MTHFD1L: variants seen among roughly 807,000 people sequenced by gnomAD.
The protein encoded by MTHFD1L is methylenetetrahydrofolate dehydrogenase (NADP+ dependent) 1 like.
Under a neutral mutation model 119.5 loss-of-function variants are expected in MTHFD1L, and 81 were observed. The observed-to-expected ratio is 0.68, with a 90% CI of 0.57 to 0.82. The LOEUF is 0.82. MTHFD1L is among the 40% of genes least tolerant of loss of function. MTHFD1L has a pLI of 0.00. For synonymous variants in MTHFD1L, 430 were observed against 475.2 expected, an observed-to-expected ratio of 0.90 and a Z score of 1.24; for missense variants, 1,125 against 1,253.4, an observed-to-expected ratio of 0.90 and a Z score of 1.55.
chr6:150,961,309 G>A (rs1796414015), intron 18 of MTHFD1L, among the ~76,000 whole-genome samples: 1 of 152,076 alleles, frequency 6.6e-6, no homozygotes, highest in African/African-American at 2.4e-5. Context: ...GTCCAGGCTG[G>A]TCTCGAACTC....
chr6:151,072,252 A>C (rs1792032692), intron 26 of MTHFD1L, among the ~76,000 whole-genome samples: 2 of 152,206 alleles, frequency 1.3e-5, no homozygotes, highest in Admixed American at 6.5e-5. Flanking sequence ...TAGGTTTAGA[A>C]AGCAATTTCA....
chr6:151,002,889 T>G (rs1038080432), intron 20 of MTHFD1L, among the ~76,000 whole-genome samples: 2 of 152,202 alleles, frequency 1.3e-5, no homozygotes, highest in Admixed American at 6.5e-5. Context: ...GATTATTCCT[T>G]GTTGGCGGGG....
At chr6:151,027,173 T>A (rs1437306191) in intron 24 of MTHFD1L, among the ~76,000 whole-genome samples, 25 of 152,040 alleles carry the variant, frequency 1.6e-4, no homozygotes, top group Admixed American at 1.6e-3. Context: ...TTTTTTAATA[T>A]CTTGCCAGCT....
At chr6:150,974,636 G>A (rs919216666) in intron 20 of MTHFD1L, among the ~76,000 whole-genome samples, 46 of 151,696 alleles carry the variant, frequency 3.0e-4, no homozygotes, top group Middle Eastern at 3.4e-3. Context: ...GAATCATGTA[G>A]TATTTGTCCT....
chr6:151,003,767 A>C (rs1469838792), intron 20 of MTHFD1L, among the ~76,000 whole-genome samples: 4 of 152,228 alleles, frequency 2.6e-5, no homozygotes, highest in Admixed American at 2.0e-4. Flanking sequence ...CTGTGATGTG[A>C]GTGTTTAATG....
At chr6:150,866,857 G>A (rs1328571577) in intron 1 of MTHFD1L, among the ~76,000 whole-genome samples, 2 of 152,208 alleles carry the variant, frequency 1.3e-5, no homozygotes, top group African/African-American at 4.8e-5. Flanking sequence ...GGGCGCACGG[G>A]TCTCGGGCCT....
intron 4 of MTHFD1L, among the ~76,000 whole-genome samples, chr6:150,880,201 C>T (rs76036628): frequency 7.2e-5 from 11 of 152,174 alleles, no homozygotes; most frequent in African/African-American, 2.4e-4. Context: ...GGAATTTATT[C>T]CTCCTATCTA....
At chr6:150,928,627 T>C (rs803453) in intron 11 of MTHFD1L, among the ~76,000 whole-genome samples, 147,996 of 150,158 alleles carry the variant, frequency 0.99, 72,937 homozygotes, top group Middle Eastern at 1. Context: ...CTGCAACCTC[T>C]GCCCCCTGGG....
intron 27 of MTHFD1L, among the ~76,000 whole-genome samples, chr6:151,098,852 C>T (rs1311086142): frequency 6.6e-6 from 1 of 152,110 alleles, no homozygotes; most frequent in Non-Finnish European, 1.5e-5. Context: ...ACTTTCTATA[C>T]TTTGGCCAGT....
In MTHFD1L at chr6:151,056,493, A is replaced by T. The variant is rs1404440233; in HGVS notation, c.2847+19376A>T. On this transcript the variant is annotated intron_variant, in intron 26 of 27. Coordinates refer to ENST00000367321, the MANE Select transcript of MTHFD1L (RefSeq NM_015440.5). ...GCCTGGAGAATTATCTGAAGAATGC[A>T]GTCTGTCCATTCCTCTGGAGATGGT... Among the ~76,000 whole-genome samples, 4 of 152,238 alleles carry T rather than the reference A, an allele frequency of 2.6e-5. No individual in the cohort carries two copies. In the East Asian group the frequency reaches 7.7e-4, roughly 29 times the overall value.
At chr6:151,089,228 T>C (rs1794143748) in intron 26 of MTHFD1L, among the ~76,000 whole-genome samples, 1 of 152,226 alleles carries the variant, frequency 6.6e-6, no homozygotes, top group Non-Finnish European at 1.5e-5. Context: ...AATGTGAATA[T>C]TCATTTCTTT....
intron 7 of MTHFD1L, among the ~76,000 whole-genome samples, chr6:150,889,118 A>G (rs924771638): frequency 1.1e-4 from 16 of 152,158 alleles, no homozygotes; most frequent in Non-Finnish European, 1.8e-4. Flanking sequence ...CAGGGGTTGC[A>G]GTGAGCCGCG....
At chr6:150,962,308 G>A (rs758209472) in intron 18 of MTHFD1L, among the ~76,000 whole-genome samples, 11 of 152,104 alleles carry the variant, frequency 7.2e-5, no homozygotes, top group Non-Finnish European at 1.0e-4. Flanking sequence ...TTGTGTGAGT[G>A]TATGATAAAA....
intron 26 of MTHFD1L, among the ~76,000 whole-genome samples, chr6:151,075,638 A>C (rs532113506): frequency 5.3e-5 from 8 of 152,222 alleles, no homozygotes; most frequent in Non-Finnish European, 1.2e-4. Context: ...GCTTGACTCC[A>C]CCCAACAACA....
intron 26 of MTHFD1L, among the ~76,000 whole-genome samples, chr6:151,069,030 T>C (rs1209618742): frequency 6.6e-6 from 1 of 152,188 alleles, no homozygotes; most frequent in East Asian, 1.9e-4. Context: ...ATCGTTTTAT[T>C]GCAGTCCTCA....
chr6:150,985,660 C>CAAAAAAAA (rs71014533), intron 20 of MTHFD1L, among the ~76,000 whole-genome samples: 18 of 78,814 alleles, frequency 2.3e-4, no homozygotes, highest in Non-Finnish European at 3.0e-4. Context: ...GACTCTGTCT[C>CAAAAAAAA]AAAAAAAAAA....
Position 150,886,466 on chromosome 6 carries a change from A to C in MTHFD1L, c.643+732A>C, listed in dbSNP as rs957705636. Among the ~76,000 whole-genome samples, 15 of 150,608 alleles carry C rather than the reference A, an allele frequency of 1.0e-4. No individual in the cohort carries two copies. In the East Asian group the frequency reaches 2.9e-3, roughly 30 times the overall value. On this transcript the variant is annotated intron_variant, in intron 6 of 27. Coordinates refer to ENST00000367321, the MANE Select transcript of MTHFD1L (RefSeq NM_015440.5). ...AAAAAAAAAAAAAAAAAAGAGAAGA[A>C]GAAGAAGCCGGTAGATGTAGTTTAG... is the stretch of plus-strand genomic sequence containing the variant.
At chr6:151,059,341 A>G (rs1790367933) in intron 26 of MTHFD1L, among the ~76,000 whole-genome samples, 1 of 151,842 alleles carries the variant, frequency 6.6e-6, no homozygotes, top group African/African-American at 2.4e-5. Context: ...CACCACGCAC[A>G]GCTAATTTTT....
At chr6:150,967,054 C>T (rs1035803080) in intron 19 of MTHFD1L, among the ~76,000 whole-genome samples, 17 of 152,260 alleles carry the variant, frequency 1.1e-4, no homozygotes, top group Admixed American at 6.5e-4. Context: ...CCAGCATGCA[C>T]GTATCCTCAG....
Sources: gnomAD v4.1 joint callset for allele counts (sites outside exome capture counted in the v4.1 genomes callset) on GRCh38, gnomAD v4.1.1 for gene constraint, MANE v1.5 for transcripts, NCBI Gene and HGNC (gene_info 2026-07-23, HGNC 2026-07-21) for gene names.